Variants in CRTAM observed in about 807,000 individuals in gnomAD.
CRTAM encodes cytotoxic and regulatory T cell molecule, also known as cytotoxic and regulatory T-cell molecule.
CRTAM carries 44 observed loss-of-function variants against 50.0 expected under a neutral mutation model. That is an observed-to-expected ratio of 0.88 (90% CI 0.69 to 1.13). The LOEUF (loss-of-function observed/expected upper bound fraction) is 1.13. Ranked by LOEUF, CRTAM falls within the 50% of genes most tolerant of loss-of-function variation. CRTAM has a pLI of 0.00. For missense variants in CRTAM, 448 were observed against 457.5 expected (o/e 0.98, Z 0.19); for synonymous variants, 159 against 169.3 (o/e 0.94, Z 0.47).
chr11:122,859,910 T>G (rs1862051133), intron 5 of CRTAM, among the ~76,000 whole-genome samples: 1 of 150,536 alleles, frequency 6.6e-6, no homozygotes, highest in African/African-American at 2.5e-5. Context: ...GTTGATATAT[T>G]TCAGCATCAA....
At chr11:122,864,411 G>A (rs1591356764) in intron 6 of CRTAM, among the ~76,000 whole-genome samples, 2 of 152,122 alleles carry the variant, frequency 1.3e-5, no homozygotes, top group South Asian at 4.1e-4. Flanking sequence ...TCAAGGCCAG[G>A]CACAGAGTAA....
At chr11:122,862,179 A>G in intron 5 of CRTAM, 1 of 409,722 alleles carries the variant, frequency 2.4e-6, no homozygotes, top group Non-Finnish European at 4.4e-6. Flanking sequence ...TGATTGATGG[A>G]TAGAAGGACA....
Position 122,867,025 on chromosome 11 carries a change from T to C in CRTAM, c.818-384T>C, listed in dbSNP as rs542163157. Among the ~76,000 whole-genome samples, 245 of 152,360 alleles carry C rather than the reference T, an allele frequency of 1.6e-3. 1 individual carries two copies. Among genetic ancestry groups the C allele is most frequent in the African/African-American group, 5.7e-3 (237 of 41,586 alleles). ...TTATTTGGATAGTTTTTTAAACTCC[T>C]TAACAATCCCTCTTGCTACTTAACT... On this transcript the variant is annotated intron_variant, in intron 7 of 9. Transcript: ENST00000227348.
chr11:122,851,037 C>T (rs915391540), intron 2 of CRTAM, among the ~76,000 whole-genome samples: 7 of 151,830 alleles, frequency 4.6e-5, no homozygotes, highest in Admixed American at 1.3e-4. Flanking sequence ...TGAGGCTGGC[C>T]GATCATTTTG....
chr11:122,842,558 C>T (rs1238420586), intron 1 of CRTAM, among the ~76,000 whole-genome samples: 3 of 152,228 alleles, frequency 2.0e-5, no homozygotes, highest in South Asian at 2.1e-4. Context: ...GGATTACAGG[C>T]GTTGAGCCAC....
chr11:122,865,176 A>G (rs976290079), intron 7 of CRTAM, among the ~76,000 whole-genome samples: 3 of 152,118 alleles, frequency 2.0e-5, no homozygotes, highest in Admixed American at 6.5e-5. Flanking sequence ...AGCTGGGATT[A>G]CAGGCACACG....
chr11:122,868,049 G>T lies in CRTAM; in HGVS notation c.1001G>T (p.Arg334Ile), dbSNP rs749552295. ...TCAGAACACACACTAGAAAGTTACAGATCAAGGTCAAATAATGAAGAAACA... is the reference window on the plus strand; with the variant it reads ...TCAGAACACACACTAGAAAGTTACATATCAAGGTCAAATAATGAAGAAACA... ...EVSEHTLESY[R>I]SRSNNEETSS... is the part of the protein sequence containing the mutation. The change falls in exon 9 of 10, where the codon AGA (arginine) becomes ATA (isoleucine). Residue 334 changes from arginine to isoleucine, a missense_variant. Physicochemically the swap from Arg to Ile is moderately conservative, Grantham distance 97. Coordinates refer to ENST00000227348, the MANE Select transcript of CRTAM (RefSeq NM_019604.4). 1 of 1,613,322 alleles carries T rather than the reference G, an allele frequency of 6.2e-7. No homozygotes were observed. The highest frequency in any genetic ancestry group is 8.5e-7 in the Non-Finnish European group (1 of 1,179,556).
intron 1 of CRTAM, among the ~76,000 whole-genome samples, chr11:122,843,685 G>C (rs1382303284): frequency 6.6e-6 from 1 of 152,114 alleles, no homozygotes; most frequent in Non-Finnish European, 1.5e-5. Flanking sequence ...TGACAACAAA[G>C]GTGAAAGTCT....
At position 122,871,625 on chromosome 11, in the gene CRTAM, A is replaced by C; in HGVS notation, c.*226A>C. The stretch of plus-strand genomic sequence containing the variant: ...AAAAAAGAAAAGCAAAAAAATAATT[A>C]TGCCTGACACTACTTCAGAGCAGGA... On this transcript the variant is annotated 3_prime_UTR_variant, in exon 10 of 10. Transcript: ENST00000227348. 1 of 315,594 alleles carries C rather than the reference A, an allele frequency of 3.2e-6. No individual in the cohort carries two copies. Among genetic ancestry groups the C allele is most frequent in the Non-Finnish European group, 5.7e-6 (1 of 174,240 alleles). 19.5% of individuals were successfully genotyped at this position (315,594 alleles called of 1,614,324 possible).
chr11:122,850,948 A>G (rs1861921854), intron 2 of CRTAM, among the ~76,000 whole-genome samples: 1 of 152,366 alleles, frequency 6.6e-6, no homozygotes, highest in South Asian at 2.1e-4. Flanking sequence ...AGTCTTATTT[A>G]TAAAGCAGAG....
chr11:122,847,199 G>T (rs1165546623), intron 1 of CRTAM, among the ~76,000 whole-genome samples: 2 of 152,028 alleles, frequency 1.3e-5, no homozygotes. Flanking sequence ...GCCTAAGTTC[G>T]TGCTGTTAGT....
intron 5 of CRTAM, among the ~76,000 whole-genome samples, chr11:122,858,944 C>G (rs1244150663): frequency 7.2e-5 from 11 of 152,084 alleles, no homozygotes; most frequent in Non-Finnish European, 1.2e-4. Context: ...CAGGACCTCT[C>G]TACAATCTTA....
At position 122,861,798 on chromosome 11, in the gene CRTAM, A is replaced by T. The variant is rs905357473; in HGVS notation, c.653-666A>T. On this transcript the variant is annotated intron_variant, in intron 5 of 9. Transcript: ENST00000227348. ...GGCACAGTTATTACATGCTTCCTGG[A>T]TGTGGCTGGTAAAACCTGTTCAATG... Among the ~76,000 whole-genome samples, 7 of 152,172 alleles carry T rather than the reference A, an allele frequency of 4.6e-5. No homozygotes were observed. The South Asian group carries it at 1.2e-3, about 27-fold the overall frequency.
At chr11:122,852,597 T>C (rs879260349) in intron 3 of CRTAM, among the ~76,000 whole-genome samples, 3 of 152,122 alleles carry the variant, frequency 2.0e-5, no homozygotes, top group Non-Finnish European at 4.4e-5. Flanking sequence ...GGTAAAGGCA[T>C]GATGGGAAAG....
intron 4 of CRTAM, among the ~76,000 whole-genome samples, chr11:122,854,564 G>T (rs1278853856): frequency 6.6e-6 from 1 of 151,476 alleles, no homozygotes; most frequent in Non-Finnish European, 1.5e-5. Flanking sequence ...GGAGGCTGAG[G>T]CAGGAGAATT....
At position 122,867,265 on chromosome 11, in the gene CRTAM, T is replaced by C. The variant is rs963446091; in HGVS notation, c.818-144T>C. 13 of 652,978 alleles carry C rather than the reference T, an allele frequency of 2.0e-5. No individual in the cohort carries two copies. The African/African-American group carries it at 2.4e-4, about 12-fold the overall frequency. The allele number at this position is 652,978 out of a possible 1,614,324, so 40.4% of individuals were successfully genotyped here. A position where few individuals can be genotyped will look rare whatever the true frequency, so the allele number is the denominator to read the frequency against. On this transcript the variant is annotated intron_variant, in intron 7 of 9. Transcript: ENST00000227348. Reference sequence around the variant, plus strand: ...ATGAACAATGTAAGTCTCTTTACCTTCAGGGGTAAGCTCTTTCTCATCTCT... The same window carrying C: ...ATGAACAATGTAAGTCTCTTTACCTCCAGGGGTAAGCTCTTTCTCATCTCT...
rs1861999616 is a variant in CRTAM, at chr11:122,855,837, C to T, written c.633C>T (p.Pro211=). The change falls in exon 5 of 10, where the codon CCC becomes CCT. Residue 211 remains proline (P), a synonymous_variant. Coordinates refer to ENST00000227348, the MANE Select transcript of CRTAM (RefSeq NM_019604.4). ...TGCAAGGGAGAAAACTAGTAGCACC[C>T]TTCCGGTTTGAAGATTTGGGTAAGA... ...RGLQGRKLVA[P]FRFEDLVTDE... is the part of the protein sequence containing the mutation. 2.5e-6 allele frequency: 4 copies of T among 1,612,538 alleles called. No homozygotes were observed. Among genetic ancestry groups the T allele is most frequent in the South Asian group, 2.2e-5 (2 of 90,522 alleles).
rs1276699040 is a variant in CRTAM at position 122,871,532 on chromosome 11, A to G, written c.*133A>G. On this transcript the variant is annotated 3_prime_UTR_variant, in exon 10 of 10. Transcript: ENST00000227348. Reference sequence around the variant, plus strand: ...GTGCAATGCAAGATGGTGTCCTCGGATAATGATCTGCCCCGGAGCTAGGGC... The same window carrying G: ...GTGCAATGCAAGATGGTGTCCTCGGGTAATGATCTGCCCCGGAGCTAGGGC... The G allele has an allele frequency of 3.0e-6, 2 of 656,350 alleles. No homozygotes were observed. Among genetic ancestry groups the G allele is most frequent in the African/African-American group, 3.7e-5 (2 of 53,900 alleles). The allele number at this position is 656,350 out of a possible 1,614,324, so 40.7% of individuals were successfully genotyped here.
intron 4 of CRTAM, among the ~76,000 whole-genome samples, chr11:122,854,331 A>T (rs1229532509): frequency 6.6e-6 from 1 of 152,186 alleles, no homozygotes; most frequent in African/African-American, 2.4e-5. Flanking sequence ...AACTATAATG[A>T]CTTCTTAAAA....
Sources: gnomAD v4.1 joint callset for allele counts (sites outside exome capture counted in the v4.1 genomes callset) on GRCh38, gnomAD v4.1.1 for gene constraint, MANE v1.5 for transcripts, NCBI Gene and HGNC (gene_info 2026-07-23, HGNC 2026-07-21) for gene names.